Variants in GRIN2B observed in about 807,000 individuals in gnomAD.
GRIN2B encodes the protein glutamate receptor ionotropic, NMDA 2B.
In GRIN2B, 5 loss-of-function variants were observed where a neutral mutation model predicts 114.5. That is an observed-to-expected ratio of 0.04 (90% CI 0.02 to 0.09). The LOEUF (loss-of-function observed/expected upper bound fraction) is 0.09, where lower values mean the gene tolerates loss of function less well. Among genes scored for constraint, GRIN2B ranks in the 10% least tolerant of loss-of-function variants. The pLI is 1.00. For missense variants in GRIN2B, 1,108 were observed against 1,943.5 expected (o/e 0.57, Z 8.08); for synonymous variants, 787 against 745.1 (o/e 1.06, Z -0.92).
intron 3 of GRIN2B, among the ~76,000 whole-genome samples, chr12:13,865,256 A>G (rs920391950): frequency 6.6e-6 from 1 of 152,196 alleles, no homozygotes. Context: ...CAGTGAGTCC[A>G]TTTACAAACA....
Position 13,928,362 on chromosome 12 carries a change from G to A in GRIN2B, c.-19+51566C>T, listed in dbSNP as rs528850240. Among the ~76,000 whole-genome samples the A allele has an allele frequency of 1.1e-3, 164 of 151,614 alleles. 1 individual carries two copies. Among genetic ancestry groups the A allele is most frequent in the African/African-American group, 3.9e-3 (160 of 41,368 alleles). On this transcript the variant is annotated intron_variant, in intron 2 of 13. Coordinates refer to ENST00000609686, the MANE Select transcript of GRIN2B (RefSeq NM_000834.5). Reference sequence around the variant, plus strand: ...CTATGGACACATCTAAAAGGGCAATGTGATTTAAAAGAGATTCACTGCTTT... The same window carrying A: ...CTATGGACACATCTAAAAGGGCAATATGATTTAAAAGAGATTCACTGCTTT...
At chr12:13,851,798 G>C (rs1455997912) in intron 3 of GRIN2B, among the ~76,000 whole-genome samples, 1 of 152,182 alleles carries the variant, frequency 6.6e-6, no homozygotes, top group Non-Finnish European at 1.5e-5. Context: ...TATAAGCAAT[G>C]AGAATACAGG....
chr12:13,941,067 TCA>T (rs57165618), intron 2 of GRIN2B, among the ~76,000 whole-genome samples: 46,826 of 150,584 alleles, frequency 0.31, 7,540 homozygotes, highest in East Asian at 0.47. Flanking sequence ...ACACATATGT[TCA>T]CACACACACA....
At chr12:13,890,228 A>ACTGCCCC (rs1463762526) in intron 2 of GRIN2B, among the ~76,000 whole-genome samples, 2 of 152,088 alleles carry the variant, frequency 1.3e-5, no homozygotes, top group Admixed American at 6.5e-5. Flanking sequence ...TTACAAAATC[A>ACTGCCCC]CTGCCCCCTC....
chr12:13,701,236 G>A (rs990797027), intron 4 of GRIN2B, among the ~76,000 whole-genome samples: 1 of 152,040 alleles, frequency 6.6e-6, no homozygotes, highest in African/African-American at 2.4e-5. Flanking sequence ...AGGATTATGG[G>A]GATTACAATT....
intron 5 of GRIN2B, among the ~76,000 whole-genome samples, chr12:13,674,632 T>G (rs1950054162): frequency 6.6e-6 from 1 of 152,154 alleles, no homozygotes; most frequent in Non-Finnish European, 1.5e-5. Context: ...AATATATAGC[T>G]GGATTTCCAT....
At chr12:13,935,663 A>G (rs930336360) in intron 2 of GRIN2B, among the ~76,000 whole-genome samples, 5 of 152,218 alleles carry the variant, frequency 3.3e-5, no homozygotes, top group African/African-American at 1.2e-4. Flanking sequence ...GTGGGAATTA[A>G]ACTAAATCAT....
chr12:13,549,362 G>T lies in GRIN2B; in HGVS notation c.*13421C>A, dbSNP rs1948383670. ...GCAGTAATTATTTATTATCGGTCTG[G>T]GGGCTATAGGTTCTTTCTTCAAGAA... On this transcript the variant is annotated 3_prime_UTR_variant, in exon 14 of 14. Coordinates refer to ENST00000609686, the MANE Select transcript of GRIN2B (RefSeq NM_000834.5). 6.6e-6 allele frequency: 1 copy of T among 152,100 alleles called. No homozygotes were observed. The highest frequency in any genetic ancestry group is 6.5e-5 in the Admixed American group (1 of 15,270). 9.4% of individuals were successfully genotyped at this position (152,100 alleles called of 1,614,324 possible). A position where few individuals can be genotyped will look rare whatever the true frequency, so the allele number is the denominator to read the frequency against.
At chr12:13,658,536 C>A (rs1949889866) in intron 5 of GRIN2B, among the ~76,000 whole-genome samples, 1 of 130,444 alleles carries the variant, frequency 7.7e-6, no homozygotes, top group Non-Finnish European at 1.7e-5. Flanking sequence ...TAGGATCTTA[C>A]ACTTAAGAAG....
chr12:13,550,529 T>C lies in GRIN2B; in HGVS notation c.*12254A>G, dbSNP rs1285143171. On this transcript the variant is annotated 3_prime_UTR_variant, in exon 14 of 14. Coordinates refer to ENST00000609686, the MANE Select transcript of GRIN2B (RefSeq NM_000834.5). ...TATGTATCTAAGCAACAGGACTGTC[T>C]GTTCTCAGTAGAATGACTTCTGCTT... 2 of 152,194 alleles carry C rather than the reference T, an allele frequency of 1.3e-5. No homozygotes were observed. The highest frequency in any genetic ancestry group is 1.9e-4 in the East Asian group (1 of 5,194). The allele number at this position is 152,194 out of a possible 1,614,324, so 9.4% of individuals were successfully genotyped here. A position where few individuals can be genotyped will look rare whatever the true frequency, so the allele number is the denominator to read the frequency against.
At chr12:13,609,289 A>C (rs1197013383) in intron 9 of GRIN2B, among the ~76,000 whole-genome samples, 1 of 152,240 alleles carries the variant, frequency 6.6e-6, no homozygotes, top group Admixed American at 6.5e-5. Flanking sequence ...GAACTGGGTA[A>C]GATTGTTTTC....
rs188205142 is a variant in GRIN2B, at chr12:13,797,498, C to G, written c.412-43583G>C. The stretch of plus-strand genomic sequence containing the variant: ...TTTATTCTGTTTCACTCACATCAGA[C>G]CTGCTTATAGTTTTGAAGAATCCCT... On this transcript the variant is annotated intron_variant, in intron 3 of 13. Coordinates refer to ENST00000609686, the MANE Select transcript of GRIN2B (RefSeq NM_000834.5). Among the ~76,000 whole-genome samples the G allele has an allele frequency of 1.1e-4, 16 of 152,308 alleles. No homozygotes were observed. In the East Asian group the frequency reaches 2.9e-3, roughly 28 times the overall value.
intron 5 of GRIN2B, among the ~76,000 whole-genome samples, chr12:13,671,592 C>A (rs1950022699): frequency 6.6e-6 from 1 of 152,156 alleles, no homozygotes; most frequent in Non-Finnish European, 1.5e-5. Flanking sequence ...GCCTCCCTGA[C>A]AATTCCCCCC....
chr12:13,651,852 C>G (rs907086647), intron 5 of GRIN2B, among the ~76,000 whole-genome samples: 1 of 152,096 alleles, frequency 6.6e-6, no homozygotes, highest in African/African-American at 2.4e-5. Context: ...AGTCATCTAA[C>G]CTCTCCAGAT....
At chr12:13,794,220 A>AAG (rs1328899712) in intron 3 of GRIN2B, among the ~76,000 whole-genome samples, 41 of 148,410 alleles carry the variant, frequency 2.8e-4, no homozygotes, top group Middle Eastern at 3.5e-3. Flanking sequence ...AAAAAAAAAA[A>AAG]AAAGAAAAAG....
At chr12:13,619,035 ACTAGT>A (rs1485160993) in intron 5 of GRIN2B, among the ~76,000 whole-genome samples, 1 of 152,168 alleles carries the variant, frequency 6.6e-6, no homozygotes, top group African/African-American at 2.4e-5. Context: ...GAAAAAAGTC[ACTAGT>A]GTCATATCAG....
chr12:13,781,416 A>C (rs1864110670), intron 3 of GRIN2B, among the ~76,000 whole-genome samples: 1 of 152,260 alleles, frequency 6.6e-6, no homozygotes, highest in African/African-American at 2.4e-5. Flanking sequence ...AAACTACTTT[A>C]ATAAAAAGAT....
chr12:13,665,377 T>C (rs1171647941), intron 5 of GRIN2B, among the ~76,000 whole-genome samples: 2 of 152,174 alleles, frequency 1.3e-5, no homozygotes, highest in Non-Finnish European at 2.9e-5. Context: ...CCCCAGATGC[T>C]GGACCATTTC....
chr12:13,755,406 C>T (rs1565525778), intron 3 of GRIN2B, among the ~76,000 whole-genome samples: 1 of 152,138 alleles, frequency 6.6e-6, no homozygotes, highest in Non-Finnish European at 1.5e-5. Flanking sequence ...ACATTTTCCA[C>T]AGGCTACCCA....
Sources: gnomAD v4.1 joint callset for allele counts (sites outside exome capture counted in the v4.1 genomes callset) on GRCh38, gnomAD v4.1.1 for gene constraint, MANE v1.5 for transcripts, NCBI Gene and HGNC (gene_info 2026-07-23, HGNC 2026-07-21) for gene names.